RET: variants seen among roughly 807,000 people sequenced by gnomAD.
The protein encoded by RET is proto-oncogene tyrosine-protein kinase receptor Ret.
Under a neutral mutation model 118.3 loss-of-function variants are expected in RET, and 19 were observed. That is an observed-to-expected ratio of 0.16 (90% CI 0.11 to 0.24). The LOEUF is 0.24. Among genes scored for constraint, RET ranks in the 10% least tolerant of loss-of-function variants. The pLI is 1.00. For missense variants in RET, 1,219 were observed against 1,502.1 expected (o/e 0.81, Z 3.12); for synonymous variants, 597 against 644.1 (o/e 0.93, Z 1.11).
At chr10:43,100,865 G>A in intron 2 of RET, 143 bp downstream of exon 2, 3 of 910,036 alleles carry the variant, frequency 3.3e-6, no homozygotes, top group Non-Finnish European at 1.7e-6. Flanking sequence ...AAGTGAGGCT[G>A]GCCTGCCTCT....
intron 1 of RET, among the ~76,000 whole-genome samples, chr10:43,091,573 G>A (rs1404059825): frequency 6.6e-6 from 1 of 150,698 alleles, no homozygotes; most frequent in African/African-American, 2.4e-5. Flanking sequence ...AGAGGTTGCA[G>A]TTAGCCGAGA....
intron 1 of RET, among the ~76,000 whole-genome samples, chr10:43,082,617 G>A (rs1837209562): frequency 6.6e-6 from 1 of 152,106 alleles, no homozygotes; most frequent in Non-Finnish European, 1.5e-5. Flanking sequence ...CCTCTGTGCT[G>A]CTGCTCTCCA....
intron 1 of RET, among the ~76,000 whole-genome samples, chr10:43,085,049 G>GTT (rs1837261054): frequency 6.6e-6 from 1 of 152,230 alleles, no homozygotes; most frequent in Admixed American, 6.5e-5. Context: ...CCCTGGGGCA[G>GTT]TTTTCTCAGG....
At chr10:43,079,513 C>T (rs1215677249) in intron 1 of RET, among the ~76,000 whole-genome samples, 1 of 152,254 alleles carries the variant, frequency 6.6e-6, no homozygotes, top group Non-Finnish European at 1.5e-5. Flanking sequence ...ACAGCTGTCC[C>T]CGTTGCTTGG....
intron 1 of RET, among the ~76,000 whole-genome samples, chr10:43,091,108 A>T (rs1370696269): frequency 1.3e-5 from 2 of 151,962 alleles, no homozygotes; most frequent in Non-Finnish European, 2.9e-5. Context: ...TAAAACTGGG[A>T]TCCCCCTATA....
intron 1 of RET, among the ~76,000 whole-genome samples, chr10:43,097,017 G>A (rs1421653013): frequency 2.0e-5 from 3 of 152,186 alleles, no homozygotes; most frequent in East Asian, 1.9e-4. Flanking sequence ...GTTTCTGCTC[G>A]CAATCATTGC....
chr10:43,112,798 G>A, intron 8 of RET, 55 bp from the exon 9 acceptor site: 1 of 1,400,230 alleles, frequency 7.1e-7, no homozygotes, highest in Non-Finnish European at 1.0e-6. Flanking sequence ...GGAGGTGGTG[G>A]GGGCGTGTGG....
rs758817204 is a variant in RET, at chr10:43,112,846, T to C, written c.1649-7T>C. On this transcript the variant is annotated splice_polypyrimidine_tract_variant and splice_region_variant and intron_variant, in intron 8 of 19. Coordinates refer to ENST00000355710, the MANE Select transcript of RET (RefSeq NM_020975.6). ...ATGGGTGACAGCCTGCTGTGTGTCC[T>C]GTGCAGGGATCACCAGGAACTTCTC... is the stretch of plus-strand genomic sequence containing the variant. 1.3e-5 allele frequency: 21 copies of C among 1,610,140 alleles called. No homozygotes were observed. The Admixed American group carries it at 3.3e-4, about 26-fold the overall frequency.
intron 1 of RET, among the ~76,000 whole-genome samples, chr10:43,093,779 A>T (rs1040460476): frequency 2.0e-5 from 3 of 152,144 alleles, no homozygotes; most frequent in Admixed American, 1.3e-4. Flanking sequence ...CGGGAGCCAG[A>T]CCTTATGTAG....
At chr10:43,111,999 C>T (rs2132792656) in intron 7 of RET, 100 bp from the exon 8 acceptor site, 3 of 1,507,944 alleles carry the variant, frequency 2.0e-6, no homozygotes, top group East Asian at 2.5e-5. Context: ...TGGGCTCCAT[C>T]CGTGGGCAGC....
chr10:43,096,228 C>G (rs1837520790), intron 1 of RET, among the ~76,000 whole-genome samples: 1 of 152,072 alleles, frequency 6.6e-6, no homozygotes, highest in Non-Finnish European at 1.5e-5. Flanking sequence ...GGGTCTCGAC[C>G]CACGGGCCTG....
intron 2 of RET, 87 bp from the exon 3 acceptor site, chr10:43,102,255 C>T: frequency 6.5e-7 from 1 of 1,541,432 alleles, no homozygotes; most frequent in Non-Finnish European, 8.9e-7. Context: ...AGGGTTTACA[C>T]CAGCCCTGGA....
chr10:43,080,566 G>A (rs947834359), intron 1 of RET, among the ~76,000 whole-genome samples: 5 of 152,234 alleles, frequency 3.3e-5, no homozygotes, highest in Admixed American at 2.0e-4. Flanking sequence ...CAGTGGTGTG[G>A]GTCCAGGGTG....
Position 43,128,190 on chromosome 10 carries a change from G to A in RET, c.3266G>A (p.Arg1089Lys). The A allele has an allele frequency of 6.2e-7, 1 of 1,614,188 alleles. No homozygotes were observed. The highest frequency in any genetic ancestry group is 8.5e-7 in the Non-Finnish European group (1 of 1,180,030). ...GATGGCACTAACACTGGGTTTCCAA[G>A]ATATCCAAATGATAGTGTATATGCT... The part of the protein sequence containing the change: ...RADGTNTGFP[R>K]YPNDSVYANW... Residue 1089 changes from arginine (R) to lysine (K), a missense_variant, in exon 20 of 20, where the codon AGA (arginine) becomes AAA (lysine). Physicochemically the swap from Arg to Lys is conservative, Grantham distance 26. This residue lies in a region of RET where 174 missense variants were observed against 179.3 expected (regional missense o/e 0.97). Transcript: ENST00000355710.
intron 1 of RET, among the ~76,000 whole-genome samples, chr10:43,083,365 G>T (rs1368153214): frequency 6.6e-6 from 1 of 152,236 alleles, no homozygotes; most frequent in Non-Finnish European, 1.5e-5. Context: ...TTGGTGACAG[G>T]AATGCCCCCC....
chr10:43,093,578 C>T (rs1837454108), intron 1 of RET, among the ~76,000 whole-genome samples: 1 of 152,202 alleles, frequency 6.6e-6, no homozygotes, highest in Non-Finnish European at 1.5e-5. Flanking sequence ...GAGTGAGCCA[C>T]TGCCACCATC....
chr10:43,100,824 C>G (rs543129908), intron 2 of RET, 102 bp downstream of exon 2: 24 of 1,313,660 alleles, frequency 1.8e-5, no homozygotes, highest in East Asian at 1.8e-4. Context: ...TGGCTTCCCC[C>G]CCACCGCTGG....
chr10:43,079,932 C>G (rs1191944393), intron 1 of RET, among the ~76,000 whole-genome samples: 2 of 152,196 alleles, frequency 1.3e-5, no homozygotes, highest in African/African-American at 2.4e-5. Context: ...TTGCTTCCTC[C>G]TCCACTCCAG....
rs1350081720 is a variant in RET at position 43,114,562 on chromosome 10, C to A, written c.1962C>A (p.Ala654=). ...TCATCGTCTCGGTGCTGCTGTCTGCCTTCTGCATCCACTGCTACCACAAGT... is the reference window on the plus strand; with the variant it reads ...TCATCGTCTCGGTGCTGCTGTCTGCATTCTGCATCCACTGCTACCACAAGT... ...FSFIVSVLLS[A]FCIHCYHKFA... Residue 654 remains alanine (A), a synonymous_variant, in exon 11 of 20, where the codon GCC becomes GCA. Coordinates refer to ENST00000355710, the MANE Select transcript of RET (RefSeq NM_020975.6). This position sits in a 1 kb window ranked among gnomAD's most constrained non-coding sequence, Gnocchi z 4.6. 6.2e-7 allele frequency: 1 copy of A among 1,611,990 alleles called. No homozygotes were observed. The highest frequency in any genetic ancestry group is 8.5e-7 in the Non-Finnish European group (1 of 1,179,994).
Sources: allele counts gnomAD v4.1 joint callset (sites outside exome capture counted in the v4.1 genomes callset), GRCh38; gene constraint gnomAD v4.1.1; regional missense constraint gnomAD v4.1.1; non-coding constraint Gnocchi (gnomAD v3.1); transcripts MANE v1.5; gene names NCBI Gene and HGNC (gene_info 2026-07-23, HGNC 2026-07-21).